The following SHROOM3 variants were observed in gnomAD, a reference collection of about 807,000 sequenced individuals.
The protein encoded by SHROOM3 is shroom family member 3, also known as protein Shroom3.
In SHROOM3, 47 loss-of-function variants were observed where a neutral mutation model predicts 138.6. The observed-to-expected ratio is 0.34, with a 90% CI of 0.27 to 0.43. The LOEUF (loss-of-function observed/expected upper bound fraction) is 0.43, where lower values mean the gene tolerates loss of function less well. SHROOM3 is among the 20% of genes least tolerant of loss of function. SHROOM3 has a pLI of 1.00. For missense variants in SHROOM3, 2,491 were observed against 2,596.5 expected, an observed-to-expected ratio of 0.96 and a Z score of 0.88; for synonymous variants, 1,062 against 1,063.3, an observed-to-expected ratio of 1.00 and a Z score of 0.02.
chr4:76,614,505 GA>G (rs1267291159), intron 2 of SHROOM3, among the ~76,000 whole-genome samples: 5 of 151,980 alleles, frequency 3.3e-5, no homozygotes, highest in Non-Finnish European at 7.4e-5. Context: ...TAAATTTTGG[GA>G]TACATGTGCA....
At chr4:76,688,144 C>T (rs775496031) in intron 2 of SHROOM3, among the ~76,000 whole-genome samples, 5 of 152,240 alleles carry the variant, frequency 3.3e-5, no homozygotes, top group Non-Finnish European at 5.9e-5. Flanking sequence ...CTTCCAATGC[C>T]TAGCAACAAT....
intron 2 of SHROOM3, among the ~76,000 whole-genome samples, chr4:76,622,093 A>G (rs974965714): frequency 1.3e-5 from 2 of 152,126 alleles, no homozygotes; most frequent in East Asian, 1.9e-4. Context: ...GGCCTCCCAA[A>G]GTGCTGGGAT....
chr4:76,698,396 A>G (rs1560594907), intron 2 of SHROOM3, among the ~76,000 whole-genome samples: 1 of 152,186 alleles, frequency 6.6e-6, no homozygotes, highest in Non-Finnish European at 1.5e-5. Context: ...CTGATGCCAA[A>G]TTTAGCAAGG....
chr4:76,599,232 C>T (rs544367530), intron 2 of SHROOM3, among the ~76,000 whole-genome samples: 11 of 152,120 alleles, frequency 7.2e-5, no homozygotes, highest in Admixed American at 2.6e-4. Flanking sequence ...TATATAATCA[C>T]GGTGGTTAAA....
rs899014235 is a variant in SHROOM3 at position 76,730,943 on chromosome 4, G to C, written c.587+8G>C. 1.2e-6 allele frequency: 2 copies of C among 1,614,000 alleles called. No individual in the cohort carries two copies. The highest frequency in any genetic ancestry group is 2.7e-5 in the African/African-American group (2 of 75,042). Reference sequence around the variant, plus strand: ...CCAAAGCTACCATTCCAGGTAAGTGGCTATAGCTGAGACTGAAGGGTTTCT... The same window carrying C: ...CCAAAGCTACCATTCCAGGTAAGTGCCTATAGCTGAGACTGAAGGGTTTCT... On this transcript the variant is annotated splice_region_variant and intron_variant, in intron 4 of 10. Transcript: ENST00000296043.
At chr4:76,570,477 C>A (rs973543262) in intron 2 of SHROOM3, among the ~76,000 whole-genome samples, 1 of 152,164 alleles carries the variant, frequency 6.6e-6, no homozygotes, top group Non-Finnish European at 1.5e-5. Flanking sequence ...CCCTTTCAAC[C>A]TTTGTTTGCC....
At chr4:76,689,549 G>C in intron 2 of SHROOM3, 2 of 984,272 alleles carry the variant, frequency 2.0e-6, no homozygotes, top group Non-Finnish European at 2.4e-6. Context: ...GCGCGGTGGC[G>C]CAGGGCGCTG....
Position 76,782,382 on chromosome 4 carries a change from T to C in SHROOM3, c.*3205T>C, listed in dbSNP as rs373200904. On this transcript the variant is annotated 3_prime_UTR_variant, in exon 11 of 11. Coordinates refer to ENST00000296043, the MANE Select transcript of SHROOM3 (RefSeq NM_020859.4). The stretch of plus-strand genomic sequence containing the variant: ...AGGAGTGTGGGCTTAACTGAGGTCC[T>C]TTGAGGGAGCTATAAAGGAGAAACA... 2.0e-5 allele frequency: 3 copies of C among 152,244 alleles called. No individual in the cohort carries two copies. Among genetic ancestry groups the C allele is most frequent in the African/African-American group, 7.2e-5 (3 of 41,464 alleles). The allele number at this position is 152,244 out of a possible 1,614,324, so 9.4% of individuals were successfully genotyped here. A position where few individuals can be genotyped will look rare whatever the true frequency, so the allele number is the denominator to read the frequency against.
chr4:76,543,180 A>C (rs1733141916), intron 1 of SHROOM3, among the ~76,000 whole-genome samples: 1 of 152,166 alleles, frequency 6.6e-6, no homozygotes, highest in African/African-American at 2.4e-5. Flanking sequence ...TTTCCATGGG[A>C]TAGTGCTATG....
At chr4:76,527,611 G>C (rs1029685229) in intron 1 of SHROOM3, among the ~76,000 whole-genome samples, 23 of 152,094 alleles carry the variant, frequency 1.5e-4, no homozygotes, top group Admixed American at 6.5e-4. Context: ...AACTCCAACT[G>C]GGTAAAACAA....
At chr4:76,467,875 T>G (rs1434621248) in intron 1 of SHROOM3, among the ~76,000 whole-genome samples, 2 of 152,210 alleles carry the variant, frequency 1.3e-5, no homozygotes, top group African/African-American at 2.4e-5. Flanking sequence ...ATAAGGCTGA[T>G]TCCAAGGAGT....
At chr4:76,660,527 G>T (rs1406502612) in intron 2 of SHROOM3, among the ~76,000 whole-genome samples, 1 of 152,104 alleles carries the variant, frequency 6.6e-6, no homozygotes, top group Non-Finnish European at 1.5e-5. Flanking sequence ...CTGGGCTAGA[G>T]TGCAGTGGAG....
chr4:76,452,723 G>A (rs1335413384), intron 1 of SHROOM3, among the ~76,000 whole-genome samples: 1 of 152,120 alleles, frequency 6.6e-6, no homozygotes, highest in Non-Finnish European at 1.5e-5. Context: ...GTATAGATAT[G>A]TTTTTGTTTT....
At chr4:76,479,812 G>A (rs750891650) in intron 1 of SHROOM3, among the ~76,000 whole-genome samples, 6 of 152,302 alleles carry the variant, frequency 3.9e-5, no homozygotes, top group Admixed American at 3.3e-4. Context: ...CCAGAAGAGA[G>A]TGGGAGCCAA....
chr4:76,645,971 T>C (rs561690758), intron 2 of SHROOM3, among the ~76,000 whole-genome samples: 9 of 152,036 alleles, frequency 5.9e-5, no homozygotes, highest in Non-Finnish European at 1.2e-4. Context: ...TCTGATACAT[T>C]TTCCAACAGT....
At chr4:76,527,621 A>G (rs1732725744) in intron 1 of SHROOM3, among the ~76,000 whole-genome samples, 1 of 152,202 alleles carries the variant, frequency 6.6e-6, no homozygotes, top group Non-Finnish European at 1.5e-5. Context: ...GGGTAAAACA[A>G]AAAAAGAGAT....
intron 2 of SHROOM3, among the ~76,000 whole-genome samples, chr4:76,607,003 G>T (rs1734637064): frequency 6.6e-6 from 1 of 152,104 alleles, no homozygotes; most frequent in African/African-American, 2.4e-5. Flanking sequence ...AACTGTGTGT[G>T]TGTGTGTGTC....
intron 2 of SHROOM3, among the ~76,000 whole-genome samples, chr4:76,642,776 G>A (rs1735707318): frequency 6.6e-6 from 1 of 152,168 alleles, no homozygotes. Context: ...CAATACCCAT[G>A]AGTGTGTGAC....
intron 2 of SHROOM3, among the ~76,000 whole-genome samples, chr4:76,612,166 TC>T (rs1252035581): frequency 6.6e-6 from 1 of 152,178 alleles, no homozygotes; most frequent in African/African-American, 2.4e-5. Context: ...TATGGCAGTA[TC>T]CAGTAATAAT....
Sources: allele counts gnomAD v4.1 joint callset (sites outside exome capture counted in the v4.1 genomes callset), GRCh38; gene constraint gnomAD v4.1.1; transcripts MANE v1.5; gene names NCBI Gene and HGNC (gene_info 2026-07-23, HGNC 2026-07-21).